STRBP: variants seen among roughly 807,000 people sequenced by gnomAD.
STRBP encodes the protein spermatid perinuclear RNA-binding protein.
STRBP carries 13 observed loss-of-function variants against 80.1 expected under a neutral mutation model. The ratio of observed to expected loss-of-function variants is 0.16; its 90% CI spans 0.11 to 0.26. STRBP has a LOEUF of 0.26. Ranked by LOEUF, STRBP falls within the 10% of genes least tolerant of loss-of-function variation. The pLI is 1.00. For synonymous variants in STRBP, 284 were observed against 291.2 expected (o/e 0.98, Z 0.25); for missense variants, 485 against 815.2 (o/e 0.59, Z 4.93).
Position 123,122,486 on chromosome 9 carries a change from A to G in STRBP, c.*3111T>C. ...AAGGCCAATACCAGCAAAATCTCTC[A>G]GTGGTTTGTTCCCCAGGCTAACAAT... On this transcript the variant is annotated 3_prime_UTR_variant, in exon 19 of 19. Transcript: ENST00000348403. 10 of 1,194,792 alleles carry G rather than the reference A, an allele frequency of 8.4e-6. No individual in the cohort carries two copies. The highest frequency in any genetic ancestry group is 3.7e-5 in the Admixed American group (1 of 27,000). 74.0% of individuals were successfully genotyped at this position (1,194,792 alleles called of 1,614,324 possible).
At chr9:123,134,175 A>C (rs960341162) in intron 16 of STRBP, among the ~76,000 whole-genome samples, 4 of 152,208 alleles carry the variant, frequency 2.6e-5, no homozygotes, top group African/African-American at 7.2e-5. Flanking sequence ...TGAATATTAT[A>C]CTTATAGAAA....
At chr9:123,160,862 G>T in intron 7 of STRBP, 115 bp downstream of exon 7, 1 of 771,384 alleles carries the variant, frequency 1.3e-6, no homozygotes, top group South Asian at 1.8e-5. Flanking sequence ...ACCACACTAT[G>T]AGCTAGAAAG....
rs533300070 is a variant in STRBP, at chr9:123,123,625, G to A, written c.*1972C>T. The A allele has an allele frequency of 2.5e-4, 242 of 985,042 alleles. No homozygotes were observed. In the South Asian group the frequency reaches 4.0e-3, roughly 16 times the overall value. The allele number at this position is 985,042 out of a possible 1,614,324, so 61.0% of individuals were successfully genotyped here. On this transcript the variant is annotated 3_prime_UTR_variant, in exon 19 of 19. Coordinates refer to ENST00000348403, the MANE Select transcript of STRBP (RefSeq NM_018387.5). ...AGCTCCCTTTTCACCATTACAGAGC[G>A]CGTGAGTTATGAAGCAGAGTCAGCT...
intron 2 of STRBP, among the ~76,000 whole-genome samples, chr9:123,215,770 G>A (rs954471574): frequency 6.6e-6 from 1 of 152,140 alleles, no homozygotes; most frequent in Non-Finnish European, 1.5e-5. Flanking sequence ...GGAGACAAGA[G>A]CGAAACTCCA....
intron 11 of STRBP, among the ~76,000 whole-genome samples, chr9:123,156,307 C>T (rs556573221): frequency 3.0e-4 from 46 of 152,156 alleles, no homozygotes; most frequent in African/African-American, 1.1e-3. Context: ...TTCTTCACCA[C>T]TAAGCAAGCA....
chr9:123,253,168 A>G (rs1489164204), intron 1 of STRBP, among the ~76,000 whole-genome samples: 1 of 152,272 alleles, frequency 6.6e-6, no homozygotes, highest in Non-Finnish European at 1.5e-5. Context: ...AATTTAAAAT[A>G]AAATCATATA....
chr9:123,145,477 G>A (rs1456155973), intron 13 of STRBP, among the ~76,000 whole-genome samples: 1 of 152,072 alleles, frequency 6.6e-6, no homozygotes, highest in Admixed American at 6.6e-5. Flanking sequence ...GTTACTGTAC[G>A]AAACAACCCA....
chr9:123,247,536 T>C (rs973328051), intron 1 of STRBP, among the ~76,000 whole-genome samples: 1 of 152,186 alleles, frequency 6.6e-6, no homozygotes, highest in Non-Finnish European at 1.5e-5. Context: ...CCCAAAGTGC[T>C]GGGATTACAG....
chr9:123,111,288 T>G, intron 3 of STRBP: 1 of 210,748 alleles, frequency 4.7e-6, no homozygotes, highest in Non-Finnish European at 1.0e-5. Flanking sequence ...GAGCACGAGA[T>G]ACCCAGAACA....
intron 1 of STRBP, among the ~76,000 whole-genome samples, chr9:123,245,656 C>T (rs138627215): frequency 0.017 from 2,522 of 152,330 alleles, 79 homozygotes; most frequent in African/African-American, 0.057. Context: ...GCTGGGATTA[C>T]AGGCGTGAGC....
At chr9:123,175,978 C>A (rs1204269716) in intron 4 of STRBP, among the ~76,000 whole-genome samples, 1 of 152,194 alleles carries the variant, frequency 6.6e-6, no homozygotes, top group African/African-American at 2.4e-5. Context: ...CCTGGCTCTG[C>A]TACTTACTGT....
At chr9:123,220,945 C>T (rs1012026116) in intron 2 of STRBP, among the ~76,000 whole-genome samples, 15 of 151,520 alleles carry the variant, frequency 9.9e-5, no homozygotes, top group African/African-American at 3.6e-4. Flanking sequence ...CATGACATCA[C>T]GTTAATTCTT....
chr9:123,140,526 G>A lies in STRBP; in HGVS notation c.1339-839C>T, dbSNP rs143840091. 5.7e-3 allele frequency among the ~76,000 whole-genome samples: 862 copies of A among 152,102 alleles called. 6 individuals are homozygous for A. The highest frequency in any genetic ancestry group is 8.4e-3 in the Non-Finnish European group (570 of 67,986). On this transcript the variant is annotated intron_variant, in intron 13 of 18. Coordinates refer to ENST00000348403, the MANE Select transcript of STRBP (RefSeq NM_018387.5). ...GGAGAATTGCTTGAACCTGGGAGGC[G>A]GAGGTTGCAGTGAGCGGAGATTGCG... is the stretch of plus-strand genomic sequence containing the variant.
intron 1 of STRBP, among the ~76,000 whole-genome samples, chr9:123,262,620 A>C (rs1470500427): frequency 2.6e-5 from 4 of 152,218 alleles, no homozygotes; most frequent in Non-Finnish European, 5.9e-5. Context: ...GTTATGCTAA[A>C]GTTAACTAAA....
chr9:123,134,255 A>G (rs2036262196), intron 16 of STRBP, among the ~76,000 whole-genome samples: 1 of 152,184 alleles, frequency 6.6e-6, no homozygotes, highest in Admixed American at 6.5e-5. Context: ...AAGTGGTGCA[A>G]AGCCTCAAAG....
chr9:123,220,955 T>C (rs549428183), intron 2 of STRBP, among the ~76,000 whole-genome samples: 1 of 152,246 alleles, frequency 6.6e-6, no homozygotes, highest in East Asian at 1.9e-4. Context: ...CGTTAATTCT[T>C]GGTGGAAAAA....
rs781014904 is a variant in STRBP, at chr9:123,146,981, A to C, written c.1212T>G (p.Tyr404Ter). The C allele has an allele frequency of 6.2e-7, 1 of 1,614,152 alleles. No homozygotes were observed. Among genetic ancestry groups the C allele is most frequent in the Non-Finnish European group, 8.5e-7 (1 of 1,180,006 alleles). The change falls in exon 13 of 19, where the codon TAT (tyrosine) becomes TAG (stop). Residue 404 changes from tyrosine to a stop codon, truncating the protein, a stop_gained. Coordinates refer to ENST00000348403, the MANE Select transcript of STRBP (RefSeq NM_018387.5). LOFTEE classifies it high-confidence loss of function. ...RLNQIRPGLQ[Y>*]KLLSQSGPVH... The stretch of plus-strand genomic sequence containing the variant: ...CGGGGCCAGACTGAGATAGGAGCTT[A>C]TACTGAAGCCCAGGCCTGATCTGAT...
At chr9:123,156,338 T>C (rs1484983305) in intron 11 of STRBP, among the ~76,000 whole-genome samples, 2 of 152,072 alleles carry the variant, frequency 1.3e-5, no homozygotes, top group Admixed American at 1.3e-4. Context: ...GAAAATGGCC[T>C]TCATTCCTCA....
intron 3 of STRBP, chr9:123,111,669 G>A (rs1030499496): frequency 1.1e-5 from 5 of 467,388 alleles, no homozygotes; most frequent in Non-Finnish European, 2.2e-5. Context: ...GCCACACCTG[G>A]CACTGCAGCC....
Sources: gnomAD v4.1 joint callset for allele counts (sites outside exome capture counted in the v4.1 genomes callset) on GRCh38, gnomAD v4.1.1 for gene constraint, MANE v1.5 for transcripts, NCBI Gene and HGNC (gene_info 2026-07-23, HGNC 2026-07-21) for gene names.